Variants in ZNF385D observed in about 807,000 individuals in gnomAD.
ZNF385D encodes the protein zinc finger protein 385D.
In ZNF385D, 15 loss-of-function variants were observed where a neutral mutation model predicts 35.8. That is an observed-to-expected ratio of 0.42 (90% CI 0.28 to 0.64). The LOEUF (loss-of-function observed/expected upper bound fraction) is 0.64, where lower values mean the gene tolerates loss of function less well. Ranked by LOEUF, ZNF385D falls within the 30% of genes least tolerant of loss-of-function variation. The probability of loss-of-function intolerance (pLI) is 0.23; values close to 1 mark genes in which losing one functional copy is unlikely to be tolerated. For missense variants in ZNF385D, 474 were observed against 494.6 expected (o/e 0.96, Z 0.39); for synonymous variants, 212 against 186.8 (o/e 1.13, Z -1.10).
intron 4 of ZNF385D, among the ~76,000 whole-genome samples, chr3:21,451,210 A>G (rs1702437466): frequency 6.6e-6 from 1 of 152,056 alleles, no homozygotes. Context: ...CTTTGAAGGT[A>G]CTATCATCAC....
chr3:21,923,557 T>C (rs964160854), intron 3 of ZNF385D, among the ~76,000 whole-genome samples: 3 of 152,154 alleles, frequency 2.0e-5, no homozygotes, highest in Non-Finnish European at 4.4e-5. Flanking sequence ...CACATGCACT[T>C]GCATGTTCCT....
At chr3:22,320,721 G>A (rs962587567) in intron 2 of ZNF385D, among the ~76,000 whole-genome samples, 90 of 150,546 alleles carry the variant, frequency 6.0e-4, no homozygotes, top group African/African-American at 2.1e-3. Flanking sequence ...TACTTTCTTT[G>A]AGGAATATTA....
At chr3:21,762,340 T>C (rs912983455) in intron 3 of ZNF385D, among the ~76,000 whole-genome samples, 1 of 152,204 alleles carries the variant, frequency 6.6e-6, no homozygotes, top group Admixed American at 6.5e-5. Flanking sequence ...CATTTCTCTA[T>C]GCCTGGTATC....
chr3:22,230,629 A>G (rs1698830132), intron 2 of ZNF385D, among the ~76,000 whole-genome samples: 1 of 152,158 alleles, frequency 6.6e-6, no homozygotes, highest in Non-Finnish European at 1.5e-5. Flanking sequence ...ATTCAACCCT[A>G]CATTAATTGT....
chr3:21,515,763 G>C (rs922273139), intron 3 of ZNF385D, among the ~76,000 whole-genome samples: 1 of 152,156 alleles, frequency 6.6e-6, no homozygotes. Context: ...CTTGTTCAGG[G>C]CTGAAACCAC....
intron 3 of ZNF385D, among the ~76,000 whole-genome samples, chr3:21,879,937 C>T (rs2125861763): frequency 6.6e-6 from 1 of 152,026 alleles, no homozygotes; most frequent in Non-Finnish European, 1.5e-5. Context: ...TTCATGTAAT[C>T]TCAAAATGTT....
intron 2 of ZNF385D, among the ~76,000 whole-genome samples, chr3:21,592,932 C>T (rs941561935): frequency 2.0e-5 from 3 of 152,172 alleles, no homozygotes; most frequent in Non-Finnish European, 2.9e-5. Flanking sequence ...ATTCCCTACA[C>T]CTGCTACAGG....
chr3:21,648,065 A>G (rs546252189), intron 2 of ZNF385D, among the ~76,000 whole-genome samples: 1 of 152,278 alleles, frequency 6.6e-6, no homozygotes, highest in African/African-American at 2.4e-5. Flanking sequence ...GAGATTCCAG[A>G]AAGGCTTGGG....
chr3:21,840,334 C>A (rs909212242), intron 3 of ZNF385D, among the ~76,000 whole-genome samples: 4 of 152,014 alleles, frequency 2.6e-5, no homozygotes, highest in Non-Finnish European at 5.9e-5. Context: ...TAGAGAAGAG[C>A]TGGAGGCAAG....
intron 2 of ZNF385D, among the ~76,000 whole-genome samples, chr3:22,290,568 C>T (rs1702249739): frequency 2.0e-5 from 3 of 152,136 alleles, no homozygotes; most frequent in Non-Finnish European, 2.9e-5. Flanking sequence ...TGGCATTGTG[C>T]AGTATCCTGC....
At chr3:21,543,209 G>T (rs1382437875) in intron 3 of ZNF385D, among the ~76,000 whole-genome samples, 1 of 152,170 alleles carries the variant, frequency 6.6e-6, no homozygotes, top group Non-Finnish European at 1.5e-5. Context: ...TACACAGGGG[G>T]CTGAGGCAGG....
intron 2 of ZNF385D, among the ~76,000 whole-genome samples, chr3:22,186,140 G>A (rs1238508747): frequency 2.6e-5 from 4 of 152,088 alleles, no homozygotes; most frequent in South Asian, 2.1e-4. Flanking sequence ...TTTACTTCAC[G>A]TAATTGGAGT....
chr3:21,670,862 C>T (rs1256963557), intron 1 of ZNF385D, among the ~76,000 whole-genome samples: 1 of 151,634 alleles, frequency 6.6e-6, no homozygotes, highest in Non-Finnish European at 1.5e-5. Flanking sequence ...TGATGCTGCT[C>T]CGTTTTAAGT....
At chr3:21,458,465 G>C (rs1234821662) in intron 4 of ZNF385D, among the ~76,000 whole-genome samples, 2 of 151,738 alleles carry the variant, frequency 1.3e-5, no homozygotes, top group Non-Finnish European at 2.9e-5. Context: ...CTGGGTGACA[G>C]AGAAAGACCA....
intron 1 of ZNF385D, among the ~76,000 whole-genome samples, chr3:21,725,360 C>T (rs191713988): frequency 2.2e-3 from 336 of 152,086 alleles, no homozygotes; most frequent in Admixed American, 5.1e-3. Context: ...GATAGAAACA[C>T]GAAAAACCCT....
At chr3:22,210,237 C>G (rs7644856) in intron 2 of ZNF385D, among the ~76,000 whole-genome samples, 1 of 151,824 alleles carries the variant, frequency 6.6e-6, no homozygotes, top group African/African-American at 2.4e-5. Flanking sequence ...ATGTTAAACA[C>G]ATATCATTTT....
chr3:22,186,899 T>C (rs913900796), intron 2 of ZNF385D, among the ~76,000 whole-genome samples: 1 of 152,192 alleles, frequency 6.6e-6, no homozygotes, highest in Non-Finnish European at 1.5e-5. Context: ...AACACTTAAA[T>C]AATGTTACTA....
In ZNF385D at chr3:22,038,327, G is replaced by C. The variant is rs114986593; in HGVS notation, c.325+130490C>G. Among the ~76,000 whole-genome samples the C allele has an allele frequency of 2.6e-3, 402 of 152,240 alleles. 1 individual carries two copies. The highest frequency in any genetic ancestry group is 4.9e-3 in the Non-Finnish European group (333 of 67,994). ...GACTACTTTCATAATCCCTGGAGTC[G>C]AATTGCCTAGCTTAGAATACTGGCT... On this transcript the variant is annotated intron_variant, in intron 3 of 5. Coordinates refer to the ZNF385D transcript ENST00000494108.
chr3:21,963,779 G>C (rs1702727930), intron 3 of ZNF385D, among the ~76,000 whole-genome samples: 1 of 152,084 alleles, frequency 6.6e-6, no homozygotes, highest in African/African-American at 2.4e-5. Flanking sequence ...AAAAATGTAT[G>C]TATGCCCAGA....
Sources: allele counts gnomAD v4.1 joint callset (sites outside exome capture counted in the v4.1 genomes callset), GRCh38; gene constraint gnomAD v4.1.1; transcripts MANE v1.5; gene names NCBI Gene and HGNC (gene_info 2026-07-23, HGNC 2026-07-21).